PLCH1: variants seen among roughly 807,000 people sequenced by gnomAD.
PLCH1 encodes the protein phospholipase C eta 1, also known as 1-phosphatidylinositol 4,5-bisphosphate phosphodiesterase eta-1.
A neutral mutation model predicts 126.7 loss-of-function variants in PLCH1; 60 were observed. That is an observed-to-expected ratio of 0.47 (90% CI 0.38 to 0.59). The LOEUF (loss-of-function observed/expected upper bound fraction) is 0.59. Ranked by LOEUF, PLCH1 falls within the 20% of genes least tolerant of loss-of-function variation. The probability of loss-of-function intolerance (pLI) is 0.00; values close to 1 mark genes in which losing one functional copy is unlikely to be tolerated. For missense variants in PLCH1, 1,723 were observed against 2,040.0 expected, an observed-to-expected ratio of 0.84 and a Z score of 2.99; for synonymous variants, 719 against 734.9, an observed-to-expected ratio of 0.98 and a Z score of 0.35.
chr3:155,702,623 G>C (rs146458911), intron 2 of PLCH1, among the ~76,000 whole-genome samples: 218 of 152,080 alleles, frequency 1.4e-3, no homozygotes, highest in African/African-American at 5.1e-3. Flanking sequence ...AATTTTAAAT[G>C]ATTATAGCCT....
At chr3:155,639,945 A>C (rs1220100587) in intron 2 of PLCH1, among the ~76,000 whole-genome samples, 4 of 152,162 alleles carry the variant, frequency 2.6e-5, no homozygotes, top group Non-Finnish European at 4.4e-5. Context: ...TGCTCCAGCC[A>C]TGTAAGACAT....
intron 6 of PLCH1, among the ~76,000 whole-genome samples, chr3:155,582,706 C>T (rs1730873203): frequency 6.6e-6 from 1 of 152,096 alleles, no homozygotes; most frequent in South Asian, 2.1e-4. Context: ...AAGTAAACCT[C>T]ATCAACTGCA....
At chr3:155,738,420 T>C (rs751473557) in intron 1 of PLCH1, among the ~76,000 whole-genome samples, 4 of 152,078 alleles carry the variant, frequency 2.6e-5, no homozygotes, top group Admixed American at 6.6e-5. Context: ...GGTCGGAGGA[T>C]TGCTTGAGCA....
intron 2 of PLCH1, among the ~76,000 whole-genome samples, chr3:155,597,117 T>C (rs1399767742): frequency 6.9e-6 from 1 of 144,626 alleles, no homozygotes; most frequent in African/African-American, 2.6e-5. Context: ...TTTCCCCTTG[T>C]TTGGTAATGG....
At chr3:155,524,125 A>G in intron 10 of PLCH1, 121 bp from the exon 11 acceptor site, 1 of 706,040 alleles carries the variant, frequency 1.4e-6, no homozygotes, top group Non-Finnish European at 2.5e-6. Context: ...ATGTACATAC[A>G]ATGGAATCTT....
At chr3:155,526,987 G>A (rs1722037354) in intron 10 of PLCH1, among the ~76,000 whole-genome samples, 2 of 152,166 alleles carry the variant, frequency 1.3e-5, no homozygotes, top group Non-Finnish European at 2.9e-5. Context: ...CAGAAGTGCT[G>A]TCATGGGCCC....
intron 4 of PLCH1, among the ~76,000 whole-genome samples, chr3:155,587,458 C>T (rs1731532392): frequency 6.6e-6 from 1 of 152,150 alleles, no homozygotes; most frequent in Admixed American, 6.5e-5. Context: ...CAGGTCTCAA[C>T]CCAGGTCTTT....
In PLCH1 at chr3:155,579,928, C is replaced by T. The variant is rs372664855; in HGVS notation, c.771+3544G>A. 4.5e-4 allele frequency among the ~76,000 whole-genome samples: 68 copies of T among 152,244 alleles called. No individual in the cohort carries two copies. The East Asian group carries it at 0.011, about 25-fold the overall frequency. On this transcript the variant is annotated intron_variant, in intron 6 of 22. Coordinates refer to ENST00000460012, the MANE Select transcript of PLCH1 (RefSeq NM_014996.4). Reference sequence around the variant, plus strand: ...TCTCTCTCTCACACACACACAGACACATACACACACATGCAGAGGCAATAA... The same window carrying T: ...TCTCTCTCTCACACACACACAGACATATACACACACATGCAGAGGCAATAA...
At chr3:155,496,015 T>C (rs1716978383) in intron 15 of PLCH1, among the ~76,000 whole-genome samples, 1 of 152,202 alleles carries the variant, frequency 6.6e-6, no homozygotes, top group South Asian at 2.1e-4. Context: ...TACTGTTTTG[T>C]CTGTCTCTCT....
chr3:155,680,393 G>A (rs1418979519), intron 2 of PLCH1, among the ~76,000 whole-genome samples: 2 of 151,732 alleles, frequency 1.3e-5, no homozygotes, highest in Admixed American at 1.3e-4. Flanking sequence ...AAAAAAAAAA[G>A]TCAGTAAAGC....
intron 11 of PLCH1, among the ~76,000 whole-genome samples, chr3:155,515,803 C>CA (rs61602536): frequency 0.39 from 59,943 of 152,004 alleles, 15,287 homozygotes; most frequent in African/African-American, 0.73. Flanking sequence ...AAGACCAACC[C>CA]CCCAAAGGGA....
chr3:155,729,188 T>C (rs761802981), intron 1 of PLCH1, among the ~76,000 whole-genome samples: 1 of 152,234 alleles, frequency 6.6e-6, no homozygotes, highest in Non-Finnish European at 1.5e-5. Flanking sequence ...ATTCATCTTA[T>C]CCTCTCTTCT....
intron 2 of PLCH1, among the ~76,000 whole-genome samples, chr3:155,633,611 G>C (rs1391497921): frequency 6.6e-6 from 1 of 152,138 alleles, no homozygotes; most frequent in Non-Finnish European, 1.5e-5. Flanking sequence ...TAAATCAAAA[G>C]ATAAATTATA....
chr3:155,594,589 A>G (rs1040669672), intron 3 of PLCH1, among the ~76,000 whole-genome samples: 1 of 152,128 alleles, frequency 6.6e-6, no homozygotes, highest in African/African-American at 2.4e-5. Context: ...AAAATAAATA[A>G]GTAAGTATGA....
intron 2 of PLCH1, among the ~76,000 whole-genome samples, chr3:155,605,256 G>T (rs1470192353): frequency 6.6e-6 from 1 of 152,148 alleles, no homozygotes; most frequent in Non-Finnish European, 1.5e-5. Context: ...AATGTGTCAA[G>T]CCCTTGGGTG....
intron 21 of PLCH1, among the ~76,000 whole-genome samples, chr3:155,452,039 C>T (rs1712320456): frequency 6.6e-6 from 1 of 152,178 alleles, no homozygotes; most frequent in Non-Finnish European, 1.5e-5. Flanking sequence ...TACATTCTCT[C>T]TCTCTATCTC....
intron 1 of PLCH1, among the ~76,000 whole-genome samples, chr3:155,723,745 G>A (rs1748117585): frequency 6.6e-6 from 1 of 152,010 alleles, no homozygotes; most frequent in Non-Finnish European, 1.5e-5. Context: ...CACAAGGTCA[G>A]GAGTTTGAGA....
chr3:155,738,635 A>C (rs1577391294), intron 1 of PLCH1, among the ~76,000 whole-genome samples: 1 of 152,024 alleles, frequency 6.6e-6, no homozygotes, highest in Non-Finnish European at 1.5e-5. Flanking sequence ...TACAAAAAAA[A>C]AATTAGTTGG....
At chr3:155,689,541 G>T (rs1745211183) in intron 2 of PLCH1, among the ~76,000 whole-genome samples, 4 of 152,044 alleles carry the variant, frequency 2.6e-5, no homozygotes, top group Admixed American at 2.6e-4. Flanking sequence ...AGATAACACA[G>T]AGAAGGAACT....
Sources: gnomAD v4.1 joint callset for allele counts (sites outside exome capture counted in the v4.1 genomes callset) on GRCh38, gnomAD v4.1.1 for gene constraint, MANE v1.5 for transcripts, NCBI Gene and HGNC (gene_info 2026-07-23, HGNC 2026-07-21) for gene names.